Variants in HSP90AA1 observed in about 807,000 individuals in gnomAD.
HSP90AA1 encodes heat shock protein HSP 90-alpha.
In HSP90AA1, 18 loss-of-function variants were observed where a neutral mutation model predicts 73.3. The observed-to-expected ratio is 0.25, with a 90% CI of 0.17 to 0.36. The LOEUF is 0.36. HSP90AA1 is among the 10% of genes least tolerant of loss of function. The pLI, the probability that HSP90AA1 is intolerant of heterozygous loss-of-function variation, is 1.00. For missense variants in HSP90AA1, 704 were observed against 874.2 expected (o/e 0.81, Z 2.45); for synonymous variants, 477 against 296.9 (o/e 1.61, Z -6.24).
chr14:102,081,568 C>T lies in HSP90AA1; in HGVS notation c.*144G>A. On this transcript the variant is annotated 3_prime_UTR_variant, in exon 11 of 11. Coordinates refer to ENST00000216281, the MANE Select transcript of HSP90AA1 (RefSeq NM_005348.4). ...AGGTATCACAGCATCACTTAGTAGACAGAAATCTTATCTTCCCCTTAAAGT... is the reference window on the plus strand; with the variant it reads ...AGGTATCACAGCATCACTTAGTAGATAGAAATCTTATCTTCCCCTTAAAGT... 1.5e-6 allele frequency: 1 copy of T among 663,216 alleles called. No homozygotes were observed. The highest frequency in any genetic ancestry group is 2.7e-6 in the Non-Finnish European group (1 of 365,492). The allele number at this position is 663,216 out of a possible 1,614,324, so 41.1% of individuals were successfully genotyped here.
At chr14:102,102,375 C>A (rs1387348737) in intron 1 of HSP90AA1, among the ~76,000 whole-genome samples, 1 of 152,136 alleles carries the variant, frequency 6.6e-6, no homozygotes, top group Non-Finnish European at 1.5e-5. Context: ...TTGGACTGGG[C>A]TAGAGGGCCT....
chr14:102,098,809 T>C (rs986223375), intron 2 of HSP90AA1, among the ~76,000 whole-genome samples: 2 of 152,154 alleles, frequency 1.3e-5, no homozygotes, highest in Admixed American at 6.6e-5. Flanking sequence ...GATACAGTCC[T>C]TGAGCCGCTG....
Position 102,081,069 on chromosome 14 carries a change from G to T in HSP90AA1, c.*643C>A. ...AATATCTTTTAACTCATCTGTATTT[G>T]TTACAACTTTAAGCAGAATGTGACT... is the stretch of plus-strand genomic sequence containing the variant. On this transcript the variant is annotated 3_prime_UTR_variant, in exon 11 of 11. Coordinates refer to ENST00000216281, the MANE Select transcript of HSP90AA1 (RefSeq NM_005348.4). The T allele has an allele frequency of 4.4e-6, 1 of 228,044 alleles. No individual in the cohort carries two copies. Among genetic ancestry groups the T allele is most frequent in the Non-Finnish European group, 8.7e-6 (1 of 114,912 alleles). The allele number at this position is 228,044 out of a possible 1,614,324, so 14.1% of individuals were successfully genotyped here. A position where few individuals can be genotyped will look rare whatever the true frequency, so the allele number is the denominator to read the frequency against.
At chr14:102,094,192 G>T (rs905219031) in intron 2 of HSP90AA1, among the ~76,000 whole-genome samples, 1 of 152,184 alleles carries the variant, frequency 6.6e-6, no homozygotes, top group South Asian at 2.1e-4. Context: ...ACATGCTGCC[G>T]CCGGGAAGCC....
At chr14:102,098,144 G>C (rs896124630) in intron 2 of HSP90AA1, among the ~76,000 whole-genome samples, 1 of 151,754 alleles carries the variant, frequency 6.6e-6, no homozygotes, top group Non-Finnish European at 1.5e-5. Flanking sequence ...TTTAAGCCTC[G>C]GGTTTGTTTT....
rs576875520 is a variant in HSP90AA1 at position 102,098,297 on chromosome 14, G to C, written c.366+3578C>G. Among the ~76,000 whole-genome samples, 134 of 151,710 alleles carry C rather than the reference G, an allele frequency of 8.8e-4. 1 individual carries two copies. The highest frequency in any genetic ancestry group is 1.7e-3 in the Non-Finnish European group (115 of 67,932). On this transcript the variant is annotated intron_variant, in intron 2 of 11. Coordinates refer to the HSP90AA1 transcript ENST00000334701. ...CTGCCTCAGCCTCCCGAGTAGCTGG[G>C]ACTATAGGCGTCTGCCACCACGCCC...
At chr14:102,139,678 G>C (rs972165511) in exon 1 of HSP90AA1, 1 of 660,860 alleles carries the variant, frequency 1.5e-6, no homozygotes, top group Non-Finnish European at 2.5e-6. Flanking sequence ...CCGCCCGGAG[G>C]CCACACCCGG....
intron 1 of HSP90AA1, among the ~76,000 whole-genome samples, chr14:102,135,151 G>A (rs2049968274): frequency 6.7e-6 from 1 of 149,280 alleles, no homozygotes; most frequent in Non-Finnish European, 1.5e-5. Context: ...GCCGATTGGT[G>A]TATTTACAAT....
exon 1 of HSP90AA1, chr14:102,139,331 T>G: frequency 6.2e-7 from 1 of 1,613,394 alleles, no homozygotes; most frequent in Non-Finnish European, 8.5e-7. Flanking sequence ...TTCAGCACTC[T>G]GGGCGGGACA....
intron 1 of HSP90AA1, among the ~76,000 whole-genome samples, chr14:102,132,870 G>A (rs1432986126): frequency 6.6e-6 from 1 of 152,134 alleles, no homozygotes; most frequent in Non-Finnish European, 1.5e-5. Context: ...TGAGGCAGGA[G>A]AATTGGTTGA....
intron 1 of HSP90AA1, among the ~76,000 whole-genome samples, chr14:102,106,341 G>A (rs1020500836): frequency 3.5e-4 from 53 of 151,956 alleles, no homozygotes; most frequent in African/African-American, 1.3e-3. Flanking sequence ...AAAGTATTTT[G>A]TTAGCTTTTG....
In HSP90AA1 at chr14:102,086,396, C is replaced by T; in HGVS notation, c.1-18G>A. Reference sequence around the variant, plus strand: ...TCAGGCATCTGGAACGACACCGCGCCGGTTTAAAACCTTGCAGGACGTCTA... The same window carrying T: ...TCAGGCATCTGGAACGACACCGCGCTGGTTTAAAACCTTGCAGGACGTCTA... On this transcript the variant is annotated intron_variant, in intron 1 of 10. Coordinates refer to ENST00000216281, the MANE Select transcript of HSP90AA1 (RefSeq NM_005348.4). The T allele has an allele frequency of 5.6e-6, 9 of 1,614,136 alleles. No homozygotes were observed. The highest frequency in any genetic ancestry group is 7.6e-6 in the Non-Finnish European group (9 of 1,180,006).
chr14:102,134,806 T>A (rs540651328), intron 1 of HSP90AA1, among the ~76,000 whole-genome samples: 1 of 152,170 alleles, frequency 6.6e-6, no homozygotes, highest in Non-Finnish European at 1.5e-5. Context: ...GAACAAAGCT[T>A]CTACAGTGCG....
upstream of HSP90AA1, among the ~76,000 whole-genome samples, chr14:102,087,350 T>G (rs547121210): frequency 6.6e-6 from 1 of 150,422 alleles, no homozygotes; most frequent in East Asian, 2.0e-4. Context: ...GGGCGCCTTC[T>G]GGGGCCGCCC....
At position 102,081,342 on chromosome 14, in the gene HSP90AA1, C is replaced by T; in HGVS notation, c.*370G>A. 2.9e-6 allele frequency: 1 copy of T among 340,246 alleles called. No homozygotes were observed. The highest frequency in any genetic ancestry group is 4.8e-5 in the East Asian group (1 of 20,852). The allele number at this position is 340,246 out of a possible 1,614,324, so 21.1% of individuals were successfully genotyped here. A position where few individuals can be genotyped will look rare whatever the true frequency, so the allele number is the denominator to read the frequency against. On this transcript the variant is annotated 3_prime_UTR_variant, in exon 11 of 11. Coordinates refer to ENST00000216281, the MANE Select transcript of HSP90AA1 (RefSeq NM_005348.4). ...TAGATCCTACAAGATGTAACGAATACTTTTCTAAACATCAAGATACAGCTC... is the reference window on the plus strand; with the variant it reads ...TAGATCCTACAAGATGTAACGAATATTTTTCTAAACATCAAGATACAGCTC...
chr14:102,088,398 ATGGAAC>A (rs1262875991), upstream of HSP90AA1, among the ~76,000 whole-genome samples: 1 of 152,212 alleles, frequency 6.6e-6, no homozygotes. Context: ...TAAAGAAACG[ATGGAAC>A]TACCTCCGCT....
At chr14:102,082,782 G>A in intron 9 of HSP90AA1, 1 of 515,232 alleles carries the variant, frequency 1.9e-6, no homozygotes, top group Non-Finnish European at 3.5e-6. Context: ...ACCACGCCTG[G>A]TTTATTTTTT....
At chr14:102,109,680 A>G (rs1362152674) in intron 1 of HSP90AA1, among the ~76,000 whole-genome samples, 1 of 152,212 alleles carries the variant, frequency 6.6e-6, no homozygotes, top group Non-Finnish European at 1.5e-5. Flanking sequence ...AATTGTTACC[A>G]GCAGAGTGGG....
At chr14:102,082,938 G>A (rs1595654823) in intron 9 of HSP90AA1, 96 bp downstream of exon 9, 3 of 1,311,608 alleles carry the variant, frequency 2.3e-6, no homozygotes, top group Non-Finnish European at 3.3e-6. Flanking sequence ...ATAGTTTTCT[G>A]TTTTAAGTTG....
Sources: gnomAD v4.1 joint callset for allele counts (sites outside exome capture counted in the v4.1 genomes callset) on GRCh38, gnomAD v4.1.1 for gene constraint, MANE v1.5 for transcripts, NCBI Gene and HGNC (gene_info 2026-07-23, HGNC 2026-07-21) for gene names.